ARIH1: variants seen among roughly 807,000 people sequenced by gnomAD.
ARIH1 encodes the protein E3 ubiquitin-protein ligase ARIH1.
In ARIH1, 8 loss-of-function variants were observed where a neutral mutation model predicts 85.0. The observed-to-expected ratio is 0.09, with a 90% confidence interval of 0.06 to 0.17. The LOEUF (loss-of-function observed/expected upper bound fraction) is 0.17, where lower values mean the gene tolerates loss of function less well. Ranked by LOEUF, ARIH1 falls within the 10% of genes least tolerant of loss-of-function variation. The pLI is 1.00. For missense variants in ARIH1, 311 were observed against 718.1 expected, an observed-to-expected ratio of 0.43 and a Z score of 6.48; for synonymous variants, 238 against 253.6, an observed-to-expected ratio of 0.94 and a Z score of 0.59.
At chr15:72,507,277 G>A (rs1007080626) in intron 1 of ARIH1, among the ~76,000 whole-genome samples, 1 of 152,128 alleles carries the variant, frequency 6.6e-6, no homozygotes, top group Non-Finnish European at 1.5e-5. Flanking sequence ...GCCTGCCTTG[G>A]CCTCCCAAAG....
At chr15:72,500,608 A>G (rs1411609934) in intron 1 of ARIH1, among the ~76,000 whole-genome samples, 1 of 152,194 alleles carries the variant, frequency 6.6e-6, no homozygotes, top group Admixed American at 6.5e-5. Flanking sequence ...GTGAAAAACA[A>G]TGGATATAAC....
intron 11 of ARIH1, among the ~76,000 whole-genome samples, chr15:72,576,993 CTTTT>C (rs922416385): frequency 7.6e-6 from 1 of 131,480 alleles, no homozygotes; most frequent in African/African-American, 2.8e-5. Flanking sequence ...TTTTTTTTTT[CTTTT>C]TTTGAGACGG....
At chr15:72,508,718 G>T (rs1595856368) in intron 1 of ARIH1, among the ~76,000 whole-genome samples, 1 of 148,456 alleles carries the variant, frequency 6.7e-6, no homozygotes, top group African/African-American at 2.5e-5. Context: ...TTTTGAGACG[G>T]AGTCTCTCTC....
In ARIH1 at chr15:72,595,171, A is replaced by C. The variant is rs1418287552; in HGVS notation, c.*11879A>C. On this transcript the variant is annotated 3_prime_UTR_variant, in exon 14 of 14. Transcript: ENST00000379887. ...CATGGGCCAGATCCAGCCCATGGAC[A>C]GTTTTGTTGTTGCTGTTTTAGAGAC... 2 of 152,174 alleles carry C rather than the reference A, an allele frequency of 1.3e-5. No homozygotes were observed. The highest frequency in any genetic ancestry group is 2.9e-5 in the Non-Finnish European group (2 of 68,044). The allele number at this position is 152,174 out of a possible 1,614,324, so 9.4% of individuals were successfully genotyped here.
intron 7 of ARIH1, among the ~76,000 whole-genome samples, chr15:72,564,454 C>A (rs1428900666): frequency 6.6e-6 from 1 of 152,196 alleles, no homozygotes; most frequent in African/African-American, 2.4e-5. Flanking sequence ...CCCTGCACTT[C>A]TGTCTTTCTG....
chr15:72,505,798 C>T (rs889249869), intron 1 of ARIH1, among the ~76,000 whole-genome samples: 6 of 152,004 alleles, frequency 3.9e-5, no homozygotes, highest in Admixed American at 6.6e-5. Flanking sequence ...TGCAGTGGTG[C>T]GATCTTGGTT....
At chr15:72,583,180 G>GTTTTGACAACAAGT in intron 13 of ARIH1, 28 bp from the exon 14 acceptor site, 1 of 1,292,390 alleles carries the variant, frequency 7.7e-7, no homozygotes, top group Non-Finnish European at 1.1e-6. Context: ...CTGACAACAA[G>GTTTTGACAACAAGT]TTTTTTTTTT....
chr15:72,526,383 G>A (rs373861685), intron 2 of ARIH1, among the ~76,000 whole-genome samples: 20 of 152,194 alleles, frequency 1.3e-4, no homozygotes, highest in African/African-American at 4.6e-4. Context: ...TTAGTCTGTA[G>A]TTTAAACAAA....
Position 72,474,662 on chromosome 15 carries a change from A to G in ARIH1, c.23A>G (p.Asn8Ser). 2 of 1,554,910 alleles carry G rather than the reference A, an allele frequency of 1.3e-6. No homozygotes were observed. The highest frequency in any genetic ancestry group is 1.7e-6 in the Non-Finnish European group (2 of 1,152,288). Residue 8 changes from asparagine (N) to serine (S), a missense_variant, in exon 1 of 14, where the codon AAC becomes AGC. By Grantham distance (46) the Asn-to-Ser change is conservative (BLOSUM62 1). Coordinates refer to ENST00000379887, the MANE Select transcript of ARIH1 (RefSeq NM_005744.5). MDSDEGYNYEFDEDEECS... is the reference protein window; with the variant it reads MDSDEGYSYEFDEDEECS... ...GCCATGGACTCGGACGAGGGCTACA[A>G]CTACGAGTTCGACGAGGACGAGGAG...
At chr15:72,481,697 A>G (rs984645596) in intron 1 of ARIH1, among the ~76,000 whole-genome samples, 7 of 152,092 alleles carry the variant, frequency 4.6e-5, no homozygotes, top group Non-Finnish European at 7.4e-5. Flanking sequence ...AAAAAAAGGT[A>G]ATAATGGGAA....
chr15:72,544,165 CTTT>C (rs959163076), intron 2 of ARIH1, among the ~76,000 whole-genome samples: 10 of 151,928 alleles, frequency 6.6e-5, no homozygotes, highest in Admixed American at 2.0e-4. Context: ...AGATACACTT[CTTT>C]GTTTTATTCC....
At chr15:72,549,979 G>C (rs1009433911) in intron 3 of ARIH1, among the ~76,000 whole-genome samples, 2 of 152,188 alleles carry the variant, frequency 1.3e-5, no homozygotes, top group Admixed American at 6.5e-5. Context: ...GAATATATCA[G>C]AGGAGGGAGA....
At chr15:72,497,013 ATGTACT>A (rs1200247744) in intron 1 of ARIH1, among the ~76,000 whole-genome samples, 1 of 152,250 alleles carries the variant, frequency 6.6e-6, no homozygotes, top group African/African-American at 2.4e-5. Context: ...GACAAATGTG[ATGTACT>A]TGTAAAGGGC....
chr15:72,524,914 T>A (rs2064020398), intron 2 of ARIH1, among the ~76,000 whole-genome samples: 1 of 152,186 alleles, frequency 6.6e-6, no homozygotes, highest in African/African-American at 2.4e-5. Flanking sequence ...AGACAGGGTC[T>A]CACTCTGTCA....
intron 1 of ARIH1, among the ~76,000 whole-genome samples, chr15:72,492,713 G>T (rs2063864467): frequency 6.6e-6 from 1 of 152,080 alleles, no homozygotes; most frequent in Admixed American, 6.6e-5. Context: ...ATCTCTAATT[G>T]TATTGCATTA....
At chr15:72,507,887 T>G (rs2063933218) in intron 1 of ARIH1, among the ~76,000 whole-genome samples, 1 of 152,218 alleles carries the variant, frequency 6.6e-6, no homozygotes, top group Non-Finnish European at 1.5e-5. Context: ...TTCTTTAGAT[T>G]ACTAAAATAC....
rs997861776 is a variant in ARIH1, at chr15:72,490,348, G to A, written c.375+15334G>A. Among the ~76,000 whole-genome samples, 3 of 152,156 alleles carry A rather than the reference G, an allele frequency of 2.0e-5. No homozygotes were observed. The East Asian group carries it at 5.8e-4, about 29-fold the overall frequency. On this transcript the variant is annotated intron_variant, in intron 1 of 13. Transcript: ENST00000379887. ...GCTGTGGCCTGTTGTGAACTGGGCA[G>A]CACAGCAGGAGGCGAGCAGCCAGGG... is the stretch of plus-strand genomic sequence containing the variant.
Position 72,571,532 on chromosome 15 carries a change from C to T in ARIH1, c.1158-576C>T, listed in dbSNP as rs1277181742. Among the ~76,000 whole-genome samples the T allele has an allele frequency of 3.9e-5, 6 of 152,260 alleles. No homozygotes were observed. In the East Asian group the frequency reaches 1.2e-3, roughly 29 times the overall value. On this transcript the variant is annotated intron_variant, in intron 10 of 13. Coordinates refer to ENST00000379887, the MANE Select transcript of ARIH1 (RefSeq NM_005744.5). ...ACCTCTCTGGGTATGTTTTCCCCTT[C>T]CCACCATTCTGTATATCATGCAGTT... is the stretch of plus-strand genomic sequence containing the variant.
chr15:72,595,434 A>G lies in ARIH1; in HGVS notation c.*12142A>G, dbSNP rs561839308. The G allele has an allele frequency of 3.9e-5, 6 of 152,384 alleles. No homozygotes were observed. The highest frequency in any genetic ancestry group is 1.4e-4 in the African/African-American group (6 of 41,520). The allele number at this position is 152,384 out of a possible 1,614,324, so 9.4% of individuals were successfully genotyped here. ...AGCAATCCTCCTGCCTTGGCCTCCT[A>G]CAGTGCTGGGATTAGAGGTGTGAGC... On this transcript the variant is annotated 3_prime_UTR_variant, in exon 14 of 14. Transcript: ENST00000379887.
Sources: gnomAD v4.1 joint callset for allele counts (sites outside exome capture counted in the v4.1 genomes callset) on GRCh38, gnomAD v4.1.1 for gene constraint, MANE v1.5 for transcripts, NCBI Gene and HGNC (gene_info 2026-07-23, HGNC 2026-07-21) for gene names.